The following EML4 variants were observed in gnomAD, a reference collection of about 807,000 sequenced individuals.
The protein encoded by EML4 is EMAP like 4.
In EML4, 72 loss-of-function variants were observed where a neutral mutation model predicts 129.0. The ratio of observed to expected loss-of-function variants is 0.56; its 90% confidence interval spans 0.46 to 0.68. EML4 has a LOEUF of 0.68. EML4 is among the 30% of genes least tolerant of loss of function. EML4 has a pLI of 0.00. For synonymous variants in EML4, 532 were observed against 405.0 expected, an observed-to-expected ratio of 1.31 and a Z score of -3.77; for missense variants, 1,363 against 1,190.6, an observed-to-expected ratio of 1.14 and a Z score of -2.13.
intron 7 of EML4, among the ~76,000 whole-genome samples, chr2:42,281,507 G>A (rs946341194): frequency 1.3e-5 from 2 of 152,100 alleles, no homozygotes; most frequent in Admixed American, 6.5e-5. Flanking sequence ...GAACATCATG[G>A]CAAGTACTTG....
At chr2:42,192,719 A>G (rs977512793) in intron 1 of EML4, among the ~76,000 whole-genome samples, 1 of 152,230 alleles carries the variant, frequency 6.6e-6, no homozygotes, top group Non-Finnish European at 1.5e-5. Context: ...GGATTTTGCT[A>G]GAATAACTGG....
chr2:42,218,936 A>C (rs6743809), intron 1 of EML4, among the ~76,000 whole-genome samples: 122,266 of 152,130 alleles, frequency 0.8, 49,996 homozygotes, highest in African/African-American at 0.95. Flanking sequence ...GCAGCTAGGA[A>C]TACAAACATG....
chr2:42,253,741 A>T (rs1675941871), intron 2 of EML4, among the ~76,000 whole-genome samples: 1 of 152,224 alleles, frequency 6.6e-6, no homozygotes, highest in Admixed American at 6.5e-5. Flanking sequence ...ACAAAAAACA[A>T]AAATACCTTG....
intron 6 of EML4, 28 bp downstream of exon 6, chr2:42,264,759 T>C (rs746129781): frequency 2.7e-6 from 4 of 1,465,164 alleles, no homozygotes; most frequent in African/African-American, 2.8e-5. Context: ...TTAAAAATTT[T>C]ATTTTGCCCT....
intron 6 of EML4, among the ~76,000 whole-genome samples, chr2:42,270,711 CAA>C (rs1409401108): frequency 6.6e-6 from 1 of 152,022 alleles, no homozygotes; most frequent in African/African-American, 2.4e-5. Context: ...CAGTTTGAAA[CAA>C]ATGAAAAAAG....
At chr2:42,310,499 C>A (rs1285974844) in intron 17 of EML4, among the ~76,000 whole-genome samples, 3 of 152,120 alleles carry the variant, frequency 2.0e-5, no homozygotes, top group Non-Finnish European at 2.9e-5. Flanking sequence ...GCGTGCACCA[C>A]CATGCCTGGC....
chr2:42,302,167 A>G (rs1220042932), intron 14 of EML4, among the ~76,000 whole-genome samples: 1 of 152,124 alleles, frequency 6.6e-6, no homozygotes, highest in East Asian at 1.9e-4. Context: ...AATACTTTAT[A>G]ATATATTGTT....
At chr2:42,316,948 T>C (rs923822074) in intron 18 of EML4, among the ~76,000 whole-genome samples, 3 of 152,352 alleles carry the variant, frequency 2.0e-5, no homozygotes, top group Middle Eastern at 3.4e-3. Context: ...ACTGCAAATA[T>C]AGCTGTCGAA....
At chr2:42,255,370 C>T (rs1358487497) in intron 2 of EML4, among the ~76,000 whole-genome samples, 1 of 152,146 alleles carries the variant, frequency 6.6e-6, no homozygotes, top group Non-Finnish European at 1.5e-5. Context: ...CAGGCTGAGC[C>T]ACCGCGCCCA....
chr2:42,198,327 A>G (rs1465388619), intron 1 of EML4, among the ~76,000 whole-genome samples: 1 of 152,178 alleles, frequency 6.6e-6, no homozygotes, highest in African/African-American at 2.4e-5. Context: ...GATTGACCTA[A>G]TGTCTCTAAA....
intron 6 of EML4, among the ~76,000 whole-genome samples, chr2:42,273,735 T>C (rs1050299291): frequency 2.0e-5 from 3 of 152,220 alleles, no homozygotes; most frequent in Non-Finnish European, 4.4e-5. Flanking sequence ...CTTTAGCAAG[T>C]ACTGGAACTA....
Position 42,288,279 on chromosome 2 carries a change from C to A in EML4, c.1175C>A (p.Thr392Asn). The change falls in exon 11 of 23, where the codon ACT becomes AAT. Residue 392 changes from threonine (T) to asparagine (N), a missense_variant. Thr to Asn is a moderately conservative substitution (Grantham distance 65). Transcript: ENST00000318522. ...IIDDSNEHML[T>N]VWDWQKKAKG... ...GATGACTCCAATGAGCATATGCTTA[C>A]TGTATGGGACTGGCAGAAGAAAGCA... 1 of 1,573,694 alleles carries A rather than the reference C, an allele frequency of 6.4e-7. No homozygotes were observed. The highest frequency in any genetic ancestry group is 8.7e-7 in the Non-Finnish European group (1 of 1,148,444).
intron 6 of EML4, among the ~76,000 whole-genome samples, chr2:42,265,313 C>T (rs993367189): frequency 1.3e-5 from 2 of 152,112 alleles, no homozygotes; most frequent in Non-Finnish European, 2.9e-5. Context: ...CCATGTTGGC[C>T]GGGCTGGCTG....
At chr2:42,215,042 C>A (rs1673102046) in intron 1 of EML4, among the ~76,000 whole-genome samples, 1 of 152,204 alleles carries the variant, frequency 6.6e-6, no homozygotes, top group South Asian at 2.1e-4. Context: ...ACTACAAGAT[C>A]TATAACTCTG....
chr2:42,283,901 G>A (rs1667149424), intron 8 of EML4, among the ~76,000 whole-genome samples: 1 of 152,180 alleles, frequency 6.6e-6, no homozygotes, highest in African/African-American at 2.4e-5. Flanking sequence ...TCCCTCTGAT[G>A]TGTTCTTAAG....
chr2:42,273,944 T>A (rs1666513560), intron 6 of EML4, among the ~76,000 whole-genome samples: 1 of 152,176 alleles, frequency 6.6e-6, no homozygotes, highest in African/African-American at 2.4e-5. Context: ...AGAAAATAAC[T>A]GGATCATTAA....
chr2:42,177,392 G>A (rs866664649), intron 1 of EML4, among the ~76,000 whole-genome samples: 8 of 152,114 alleles, frequency 5.3e-5, no homozygotes, highest in African/African-American at 7.2e-5. Context: ...AGGCTGAGGC[G>A]GGCGGCTCAC....
intron 11 of EML4, among the ~76,000 whole-genome samples, chr2:42,292,091 A>G (rs1012129625): frequency 1.3e-5 from 2 of 152,230 alleles, no homozygotes; most frequent in African/African-American, 2.4e-5. Context: ...GGCGTTGGCA[A>G]CTGTATTCTG....
intron 1 of EML4, among the ~76,000 whole-genome samples, chr2:42,241,371 G>A (rs1173885898): frequency 6.6e-6 from 1 of 152,192 alleles, no homozygotes; most frequent in African/African-American, 2.4e-5. Context: ...CTTGGCTATA[G>A]TGACCCTGTA....
Sources: gnomAD v4.1 joint callset for allele counts (sites outside exome capture counted in the v4.1 genomes callset) on GRCh38, gnomAD v4.1.1 for gene constraint, MANE v1.5 for transcripts, NCBI Gene and HGNC (gene_info 2026-07-23, HGNC 2026-07-21) for gene names.